Variants in OR3A2 observed in about 807,000 individuals in gnomAD.
The protein encoded by OR3A2 is olfactory receptor family 3 subfamily A member 2, also known as olfactory receptor 3A2.
For synonymous variants in OR3A2, 126 were observed against 159.3 expected, an observed-to-expected ratio of 0.79 and a Z score of 1.57; for missense variants, 318 against 392.8, an observed-to-expected ratio of 0.81 and a Z score of 1.61.
chr17:3,371,521 T>C (rs2049620230), intron 2 of OR3A2, among the ~76,000 whole-genome samples: 1 of 127,442 alleles, frequency 7.8e-6, no homozygotes, highest in Non-Finnish European at 1.7e-5. Flanking sequence ...GGCGGGGGGC[T>C]GACCCCACCA....
At chr17:3,286,129 T>G (rs2048808801), upstream of OR3A2, among the ~76,000 whole-genome samples, 1 of 152,128 alleles carries the variant, frequency 6.6e-6, no homozygotes, top group Non-Finnish European at 1.5e-5. Context: ...TGTGTTCTCA[T>G]TATTCAACTC....
intron 1 of OR3A2, among the ~76,000 whole-genome samples, chr17:3,384,621 G>A (rs1597368051): frequency 6.6e-6 from 1 of 152,170 alleles, no homozygotes; most frequent in African/African-American, 2.4e-5. Flanking sequence ...TATTAAACAT[G>A]CTGCAAGCTA....
chr17:3,292,374 G>T (rs2048883064), intron 3 of OR3A2: 1 of 1,614,150 alleles, frequency 6.2e-7, no homozygotes, highest in East Asian at 2.2e-5. Flanking sequence ...ATCCAGCACT[G>T]ATAGGTTCCC....
chr17:3,319,085 T>C (rs2049099002), intron 3 of OR3A2, among the ~76,000 whole-genome samples: 1 of 152,202 alleles, frequency 6.6e-6, no homozygotes, highest in South Asian at 2.1e-4. Context: ...CACTGGTGAA[T>C]AAATGATAAG....
chr17:3,278,740 C>A, exon 2 of OR3A2: 1 of 1,319,840 alleles, frequency 7.6e-7, no homozygotes, highest in Non-Finnish European at 1.0e-6. Context: ...TACATGGGGG[C>A]GTGGAGTTTG....
chr17:3,383,458 A>T (rs1597367700), intron 2 of OR3A2, among the ~76,000 whole-genome samples: 3 of 152,290 alleles, frequency 2.0e-5, no homozygotes, highest in Admixed American at 6.5e-5. Context: ...CAATATCCCC[A>T]TTATAGATGA....
chr17:3,326,688 T>C (rs535363764), intron 3 of OR3A2, among the ~76,000 whole-genome samples: 39 of 141,624 alleles, frequency 2.8e-4, no homozygotes, highest in African/African-American at 1.0e-3. Flanking sequence ...TATCTCCCAA[T>C]GCTATCCCTC....
intron 2 of OR3A2, among the ~76,000 whole-genome samples, chr17:3,341,364 G>A (rs1248279510): frequency 2.6e-5 from 4 of 152,164 alleles, no homozygotes; most frequent in African/African-American, 9.7e-5. Context: ...AGCATTGATG[G>A]TCTTTACAAT....
In OR3A2 at chr17:3,360,834, T is replaced by G. The variant is rs2049507639; in HGVS notation, c.-179+22970A>C. 2.0e-5 allele frequency among the ~76,000 whole-genome samples: 3 copies of G among 151,744 alleles called. No homozygotes were observed. The South Asian group carries it at 6.2e-4, about 31-fold the overall frequency. On this transcript the variant is annotated intron_variant, in intron 2 of 4. Coordinates refer to the OR3A2 transcript ENST00000573491. ...TGGTTACTGTAACCTTGTAGTATAG[T>G]TTGAAGTCAGATAGCGTGATGCCTC... is the stretch of plus-strand genomic sequence containing the variant.
chr17:3,281,319 C>G (rs368387514), intron 1 of OR3A2, among the ~76,000 whole-genome samples: 1 of 151,720 alleles, frequency 6.6e-6, no homozygotes, highest in East Asian at 1.9e-4. Flanking sequence ...CTGCAACCTC[C>G]GCCTCCCAGG....
At position 3,311,530 on chromosome 17, in the gene OR3A2, T is replaced by C. The variant is rs2049044356; in HGVS notation, c.-85+24503A>G. On this transcript the variant is annotated intron_variant, in intron 3 of 4. Coordinates refer to the OR3A2 transcript ENST00000573491. This position sits in a 1 kb window ranked among gnomAD's most constrained non-coding sequence, Gnocchi z 4.6. ...CCCTAATGTGGTCAACCACTTCTACTGTGACCTCCCACCTCTTTTCCAGCT... is the reference window on the plus strand; with the variant it reads ...CCCTAATGTGGTCAACCACTTCTACCGTGACCTCCCACCTCTTTTCCAGCT... The C allele has an allele frequency of 4.6e-6, 2 of 434,152 alleles. No individual in the cohort carries two copies. The highest frequency in any genetic ancestry group is 2.1e-5 in the African/African-American group (1 of 48,596). The allele number at this position is 434,152 out of a possible 1,614,324, so 26.9% of individuals were successfully genotyped here. A position where few individuals can be genotyped will look rare whatever the true frequency, so the allele number is the denominator to read the frequency against.
chr17:3,301,615 G>A (rs546030277), intron 3 of OR3A2, among the ~76,000 whole-genome samples: 47 of 152,242 alleles, frequency 3.1e-4, no homozygotes, highest in Admixed American at 1.2e-3. Context: ...TGAGTAGATT[G>A]CAAAAATTTT....
chr17:3,317,928 G>T (rs929446660), intron 3 of OR3A2, among the ~76,000 whole-genome samples: 2 of 152,008 alleles, frequency 1.3e-5, no homozygotes, highest in Non-Finnish European at 2.9e-5. Context: ...AAGCCACAGT[G>T]TCCCCCCGCT....
upstream of OR3A2, among the ~76,000 whole-genome samples, chr17:3,288,907 G>A (rs1305536381): frequency 3.3e-5 from 5 of 152,058 alleles, no homozygotes; most frequent in Admixed American, 2.0e-4. Flanking sequence ...ATTGGCAGTC[G>A]CAAAAATAGG....
At chr17:3,313,375 C>G (rs2049059317) in intron 3 of OR3A2, among the ~76,000 whole-genome samples, 1 of 152,220 alleles carries the variant, frequency 6.6e-6, no homozygotes, top group African/African-American at 2.4e-5. Context: ...GCTGGACTCT[C>G]TTACACCATT....
At chr17:3,353,906 T>A (rs543601055) in intron 2 of OR3A2, among the ~76,000 whole-genome samples, 1 of 104,376 alleles carries the variant, frequency 9.6e-6, no homozygotes, top group Non-Finnish European at 1.9e-5. Flanking sequence ...GTGGTTCTTA[T>A]TCATCCATTT....
chr17:3,355,458 C>G (rs948231862), intron 2 of OR3A2, among the ~76,000 whole-genome samples: 6 of 92,288 alleles, frequency 6.5e-5, no homozygotes, highest in African/African-American at 3.0e-4. Flanking sequence ...CTCTCTCTCT[C>G]TCTTTAGCTC....
intron 2 of OR3A2, among the ~76,000 whole-genome samples, chr17:3,357,175 A>G (rs1171333429): frequency 6.6e-6 from 1 of 151,696 alleles, no homozygotes; most frequent in African/African-American, 2.4e-5. Context: ...TGGTACTAAT[A>G]CAGCTAGTCC....
chr17:3,367,229 A>G (rs1304671326), intron 2 of OR3A2, among the ~76,000 whole-genome samples: 1 of 152,144 alleles, frequency 6.6e-6, no homozygotes, highest in East Asian at 1.9e-4. Flanking sequence ...TTATTTCAAT[A>G]GATTTTGGGG....
Sources: allele counts gnomAD v4.1 joint callset (sites outside exome capture counted in the v4.1 genomes callset), GRCh38; gene constraint gnomAD v4.1.1; non-coding constraint Gnocchi (gnomAD v3.1); transcripts MANE v1.5; gene names NCBI Gene and HGNC (gene_info 2026-07-23, HGNC 2026-07-21).